Variants in HSD11B1 observed in about 807,000 individuals in gnomAD.
The protein encoded by HSD11B1 is 11-beta-hydroxysteroid dehydrogenase 1.
A neutral mutation model predicts 22.1 loss-of-function variants in HSD11B1; 15 were observed. The ratio of observed to expected loss-of-function variants is 0.68; its 90% confidence interval spans 0.45 to 1.04. HSD11B1 has a LOEUF of 1.04. Ranked by LOEUF, HSD11B1 falls within the 50% of genes least tolerant of loss-of-function variation. The pLI is 0.00. For missense variants in HSD11B1, 281 were observed against 357.6 expected, an observed-to-expected ratio of 0.79 and a Z score of 1.73; for synonymous variants, 122 against 125.2, an observed-to-expected ratio of 0.97 and a Z score of 0.17.
chr1:209,721,914 CAT>C (rs1471110586), intron 4 of HSD11B1, among the ~76,000 whole-genome samples: 1 of 152,156 alleles, frequency 6.6e-6, no homozygotes, highest in Non-Finnish European at 1.5e-5. Flanking sequence ...CTCCAGGGGA[CAT>C]ATTAAAAGTT....
upstream of HSD11B1, among the ~76,000 whole-genome samples, chr1:209,703,914 G>A (rs767017290): frequency 4.6e-5 from 7 of 152,154 alleles, no homozygotes; most frequent in East Asian, 3.9e-4. Context: ...TAATGAATTC[G>A]TGCTACGGAC....
chr1:209,698,697 A>G (rs1335467343), intron 1 of HSD11B1, among the ~76,000 whole-genome samples: 4 of 152,232 alleles, frequency 2.6e-5, no homozygotes, highest in African/African-American at 7.2e-5. Context: ...AAAAACTACA[A>G]CTACAACATG....
chr1:209,707,710 G>GT (rs2076869258), intron 4 of HSD11B1, among the ~76,000 whole-genome samples: 1 of 151,954 alleles, frequency 6.6e-6, no homozygotes, highest in African/African-American at 2.4e-5. Context: ...ACAAAGGAAG[G>GT]TTGAAGGGAC....
intron 1 of HSD11B1, among the ~76,000 whole-genome samples, chr1:209,692,248 G>C (rs1312646827): frequency 3.9e-5 from 6 of 152,132 alleles, no homozygotes. Flanking sequence ...ATGTCTACAG[G>C]TTACTTTAGA....
intron 5 of HSD11B1, among the ~76,000 whole-genome samples, chr1:209,733,594 G>A (rs945854232): frequency 2.0e-5 from 3 of 152,176 alleles, no homozygotes; most frequent in African/African-American, 7.2e-5. Context: ...CAACCAGGGG[G>A]AGCAGGTGTG....
chr1:209,690,389 T>C (rs568718134), intron 1 of HSD11B1, among the ~76,000 whole-genome samples: 1 of 152,130 alleles, frequency 6.6e-6, no homozygotes, highest in East Asian at 1.9e-4. Flanking sequence ...GAAAGCGCAA[T>C]TGGACATTTA....
At chr1:209,709,870 C>T (rs1200878565) in intron 4 of HSD11B1, among the ~76,000 whole-genome samples, 1 of 152,040 alleles carries the variant, frequency 6.6e-6, no homozygotes, top group Non-Finnish European at 1.5e-5. Context: ...ATCTCTCCCA[C>T]ATCACCCATG....
chr1:209,687,153 T>G (rs530653077), intron 1 of HSD11B1, among the ~76,000 whole-genome samples: 1 of 152,264 alleles, frequency 6.6e-6, no homozygotes, highest in Non-Finnish European at 1.5e-5. Flanking sequence ...AATAGCTGGA[T>G]GCATGCTTCA....
At chr1:209,702,193 C>A (rs907220912), upstream of HSD11B1, among the ~76,000 whole-genome samples, 74 of 152,116 alleles carry the variant, frequency 4.9e-4, no homozygotes, top group African/African-American at 1.8e-3. Context: ...TGTTGACAAC[C>A]CCAGAAAGAA....
intron 5 of HSD11B1, among the ~76,000 whole-genome samples, chr1:209,733,564 A>T (rs139806318): frequency 6.6e-6 from 1 of 152,312 alleles, no homozygotes; most frequent in East Asian, 1.9e-4. Context: ...ATCATTGCAC[A>T]ATGGTTATAT....
chr1:209,695,606 C>T (rs113208855), intron 1 of HSD11B1, among the ~76,000 whole-genome samples: 79 of 152,100 alleles, frequency 5.2e-4, no homozygotes, highest in Non-Finnish European at 7.4e-4. Flanking sequence ...GTCAAGAGAT[C>T]GAACCATCCT....
chr1:209,702,661 G>A (rs1007441243), upstream of HSD11B1, among the ~76,000 whole-genome samples: 12 of 152,026 alleles, frequency 7.9e-5, no homozygotes, highest in African/African-American at 2.9e-4. Context: ...ATGTATTCTT[G>A]AGCTTTAGAA....
chr1:209,729,506 T>C (rs1248584451), intron 4 of HSD11B1, among the ~76,000 whole-genome samples: 2 of 152,142 alleles, frequency 1.3e-5, no homozygotes, highest in Non-Finnish European at 2.9e-5. Context: ...TCTAAATGTT[T>C]TGCCATCCTC....
chr1:209,704,353 G>A (rs1027339339), upstream of HSD11B1, among the ~76,000 whole-genome samples: 1 of 149,432 alleles, frequency 6.7e-6, no homozygotes, highest in Non-Finnish European at 1.5e-5. Flanking sequence ...GGCTTATAGA[G>A]CTTCTTTGCT....
chr1:209,700,818 T>A (rs933968200), upstream of HSD11B1, among the ~76,000 whole-genome samples: 4 of 152,192 alleles, frequency 2.6e-5, no homozygotes, highest in African/African-American at 9.7e-5. Flanking sequence ...AAAAAACCTC[T>A]CTCAAGTTCA....
chr1:209,721,468 G>GGA (rs2076966253), intron 4 of HSD11B1, among the ~76,000 whole-genome samples: 2 of 74,470 alleles, frequency 2.7e-5, no homozygotes, highest in Non-Finnish European at 4.5e-5. Flanking sequence ...TATTTCAAAA[G>GGA]CAAAAAAAAA....
chr1:209,705,854 AG>A lies in HSD11B1; in HGVS notation c.135del (p.Ile46SerfsTer18). On this transcript the variant is annotated frameshift_variant, in exon 2 of 6. Transcript: ENST00000367027. LOFTEE classifies it high-confidence loss of function. ...KKVIVTGASK[G>X]IGREMAYHLA... The stretch of plus-strand genomic sequence containing the variant: ...AAGTGATTGTCACAGGGGCCAGCAA[AG>A]GGATCGGAAGAGAGATGGCTTATCA... 6.2e-7 allele frequency: 1 copy of A among 1,614,032 alleles called. No homozygotes were observed. Among genetic ancestry groups the A allele is most frequent in the Non-Finnish European group, 8.5e-7 (1 of 1,179,914 alleles).
intron 4 of HSD11B1, among the ~76,000 whole-genome samples, chr1:209,709,413 T>C (rs1253145785): frequency 6.6e-6 from 1 of 152,236 alleles, no homozygotes; most frequent in Admixed American, 6.5e-5. Context: ...AAGTTTCTTG[T>C]ATGTGTAACA....
At chr1:209,711,608 C>T (rs61820570) in intron 4 of HSD11B1, among the ~76,000 whole-genome samples, 26,440 of 151,816 alleles carry the variant, frequency 0.17, 2,314 homozygotes, top group East Asian at 0.21. Flanking sequence ...GGTAGAAGTA[C>T]GCAGAGGTGA....
Sources: gnomAD v4.1 joint callset for allele counts (sites outside exome capture counted in the v4.1 genomes callset) on GRCh38, gnomAD v4.1.1 for gene constraint, MANE v1.5 for transcripts, NCBI Gene and HGNC (gene_info 2026-07-23, HGNC 2026-07-21) for gene names.